Variants in RYR2 observed in about 807,000 individuals in gnomAD.
RYR2 encodes cardiac muscle ryanodine receptor-calcium release channel.
Under a neutral mutation model 601.1 loss-of-function variants are expected in RYR2, and 227 were observed. The observed-to-expected ratio is 0.38, with a 90% CI of 0.34 to 0.42. The LOEUF (loss-of-function observed/expected upper bound fraction) is 0.42, where lower values mean the gene tolerates loss of function less well. Among genes scored for constraint, RYR2 ranks in the 10% least tolerant of loss-of-function variants. The pLI, the probability that RYR2 is intolerant of heterozygous loss-of-function variation, is 1.00. For missense variants in RYR2, 4,646 were observed against 6,156.5 expected (o/e 0.75, Z 8.21); for synonymous variants, 2,223 against 2,175.1 (o/e 1.02, Z -0.61).
In RYR2 at chr1:237,247,651, C is replaced by T. The variant is rs561224439; in HGVS notation, c.49-22846C>T. 3.3e-5 allele frequency among the ~76,000 whole-genome samples: 5 copies of T among 152,134 alleles called. No homozygotes were observed. The East Asian group carries it at 9.7e-4, about 29-fold the overall frequency. ...TGTGGCTCATCCAGGAGTGGGCACA[C>T]CATGGGAAGAACACACAAAAGAGAA... On this transcript the variant is annotated intron_variant, in intron 1 of 104. Coordinates refer to ENST00000366574, the MANE Select transcript of RYR2 (RefSeq NM_001035.3).
chr1:237,805,614 T>C (rs1482527431), intron 98 of RYR2, among the ~76,000 whole-genome samples: 1 of 147,016 alleles, frequency 6.8e-6, no homozygotes, highest in Non-Finnish European at 1.5e-5. Context: ...AAGTATAGTG[T>C]ACGAAGATGA....
chr1:237,793,546 A>C (rs1658714880), intron 94 of RYR2, among the ~76,000 whole-genome samples: 1 of 152,338 alleles, frequency 6.6e-6, no homozygotes, highest in Middle Eastern at 3.4e-3. Flanking sequence ...GTTGAGAGAT[A>C]TATGTAAACA....
chr1:237,492,056 G>A, intron 18 of RYR2, 132 bp downstream of exon 18: 1 of 567,706 alleles, frequency 1.8e-6, no homozygotes, highest in African/African-American at 1.9e-5. Flanking sequence ...TTTTTGAGAT[G>A]CAGTCGAGCT....
intron 38 of RYR2, 34 bp downstream of exon 38, chr1:237,617,520 T>C: frequency 6.3e-7 from 1 of 1,599,858 alleles, no homozygotes; most frequent in Non-Finnish European, 8.5e-7. Flanking sequence ...TTCGTATTTA[T>C]GTTGGCTTTT....
intron 10 of RYR2, among the ~76,000 whole-genome samples, chr1:237,395,182 A>C (rs931990902): frequency 1.3e-5 from 2 of 152,248 alleles, no homozygotes; most frequent in Non-Finnish European, 2.9e-5. Context: ...ATTCAGGATG[A>C]AGTGAATGTT....
intron 1 of RYR2, among the ~76,000 whole-genome samples, chr1:237,055,935 G>A (rs1448022775): frequency 3.3e-5 from 5 of 152,002 alleles, no homozygotes; most frequent in Non-Finnish European, 7.4e-5. Context: ...GTGAGGACTG[G>A]AGCACTGCAC....
chr1:237,310,003 C>T (rs939180109), intron 2 of RYR2, among the ~76,000 whole-genome samples: 4 of 152,206 alleles, frequency 2.6e-5, no homozygotes, highest in African/African-American at 9.6e-5. Flanking sequence ...CCCTCCACAC[C>T]TCCCTGCAAG....
chr1:237,679,687 G>A (rs1006740672), intron 61 of RYR2, among the ~76,000 whole-genome samples: 5 of 152,138 alleles, frequency 3.3e-5, no homozygotes, highest in African/African-American at 7.2e-5. Context: ...AAAGTCCCAC[G>A]CATACAATGT....
chr1:237,805,191 C>G (rs1354259171), intron 98 of RYR2, among the ~76,000 whole-genome samples: 1 of 152,142 alleles, frequency 6.6e-6, no homozygotes, highest in Admixed American at 6.5e-5. Flanking sequence ...CACTTTAAAA[C>G]TGTTTTAAAG....
intron 35 of RYR2, among the ~76,000 whole-genome samples, chr1:237,608,931 C>G (rs1677473808): frequency 6.6e-6 from 1 of 150,964 alleles, no homozygotes; most frequent in South Asian, 2.1e-4. Flanking sequence ...ATAGCTATCA[C>G]AAATTGAATG....
Position 237,500,749 on chromosome 1 carries a change from C to A in RYR2, c.2242C>A (p.Leu748Met), listed in dbSNP as rs769932091. 6.2e-7 allele frequency: 1 copy of A among 1,611,382 alleles called. No individual in the cohort carries two copies. The highest frequency in any genetic ancestry group is 8.5e-7 in the Non-Finnish European group (1 of 1,177,908). Residue 748 changes from leucine to methionine, a missense_variant, in exon 21 of 105, where the codon CTG becomes ATG. Physicochemically the swap from Leu to Met is conservative, Grantham distance 15. Transcript: ENST00000366574. ...ARTVSSPNQH[L>M]LRTDDVISCC... Reference sequence around the variant, plus strand: ...TACTGTAAGCTCACCAAACCAACATCTGTTAAGAACTGATGATGTCATCAG... The same window carrying A: ...TACTGTAAGCTCACCAAACCAACATATGTTAAGAACTGATGATGTCATCAG...
At chr1:237,143,420 A>G (rs568935666) in intron 1 of RYR2, among the ~76,000 whole-genome samples, 1 of 152,198 alleles carries the variant, frequency 6.6e-6, no homozygotes, top group Non-Finnish European at 1.5e-5. Context: ...AGACCCTGTA[A>G]CTCAACTTTG....
At chr1:237,230,058 T>C (rs552262382) in intron 1 of RYR2, among the ~76,000 whole-genome samples, 19 of 152,318 alleles carry the variant, frequency 1.2e-4, no homozygotes, top group Middle Eastern at 3.4e-3. Context: ...TGTTTTCCAT[T>C]TTAAAGGTGG....
intron 1 of RYR2, among the ~76,000 whole-genome samples, chr1:237,266,916 G>GTA (rs1354706416): frequency 3.1e-4 from 47 of 152,278 alleles, no homozygotes; most frequent in African/African-American, 1.0e-3. Flanking sequence ...CTCCTTGGTG[G>GTA]TATAGTGGAG....
At chr1:237,143,417 G>A (rs1055396381) in intron 1 of RYR2, among the ~76,000 whole-genome samples, 2 of 152,064 alleles carry the variant, frequency 1.3e-5, no homozygotes, top group Non-Finnish European at 2.9e-5. Context: ...TGTAGACCCT[G>A]TAACTCAACT....
chr1:237,727,096 C>T lies in RYR2; in HGVS notation c.10735C>T (p.Pro3579Ser). The T allele has an allele frequency of 1.3e-6, 2 of 1,547,972 alleles. No individual in the cohort carries two copies. Among genetic ancestry groups the T allele is most frequent in the Non-Finnish European group, 8.9e-7 (1 of 1,120,002 alleles). ...TGTCATTCTACCTCAGGTGGAACAT[C>T]CTCAGAGATCTAAAAAGGCTGTATG... The part of the protein sequence containing the change: ...GRRHYCLVEH[P>S]QRSKKAVWHK... Residue 3579 changes from proline to serine, a missense_variant, in exon 76 of 105, where the codon CCT becomes TCT. By Grantham distance (74) the Pro-to-Ser change is moderately conservative. This residue lies in a region of RYR2 where 1,497 missense variants were observed against 1,842.6 expected (regional missense o/e 0.81). Coordinates refer to ENST00000366574, the MANE Select transcript of RYR2 (RefSeq NM_001035.3).
intron 73 of RYR2, among the ~76,000 whole-genome samples, chr1:237,719,840 T>G (rs1460081337): frequency 6.6e-6 from 1 of 151,948 alleles, no homozygotes; most frequent in East Asian, 1.9e-4. Flanking sequence ...TCAACTCAGC[T>G]CCCACCAGGT....
Position 237,773,555 on chromosome 1 carries a change from G to A in RYR2, c.11682G>A (p.Gly3894=). 3 of 1,597,036 alleles carry A rather than the reference G, an allele frequency of 1.9e-6. No individual in the cohort carries two copies. The highest frequency in any genetic ancestry group is 2.6e-6 in the Non-Finnish European group (3 of 1,165,028). ...GTGACTTTTATTGGTATTACTCTGG[G>A]AAAGATGTTATTGATGAACAAGGAC... ...SISDFYWYYS[G]KDVIDEQGQR... Residue 3894 remains glycine, a synonymous_variant, in exon 87 of 105, where the codon GGG becomes GGA. Transcript: ENST00000366574.
intron 1 of RYR2, among the ~76,000 whole-genome samples, chr1:237,262,268 T>TTTTTTTTTTTA (rs1688616662): frequency 7.6e-6 from 1 of 131,966 alleles, no homozygotes; most frequent in African/African-American, 3.2e-5. Flanking sequence ...TTTTTTTTTT[T>TTTTTTTTTTTA]TTTTATGATG....
Sources: gnomAD v4.1 joint callset for allele counts (sites outside exome capture counted in the v4.1 genomes callset) on GRCh38, gnomAD v4.1.1 for gene constraint, gnomAD v4.1.1 regional missense constraint, MANE v1.5 for transcripts, NCBI Gene and HGNC (gene_info 2026-07-23, HGNC 2026-07-21) for gene names.